The following RPH3A variants were observed in gnomAD, a reference collection of about 807,000 sequenced individuals.
RPH3A encodes the protein rabphilin 3A.
RPH3A carries 48 observed loss-of-function variants against 102.2 expected under a neutral mutation model. The ratio of observed to expected loss-of-function variants is 0.47; its 90% CI spans 0.37 to 0.60. RPH3A has a LOEUF of 0.60. Ranked by LOEUF, RPH3A falls within the 20% of genes least tolerant of loss-of-function variation. The pLI, the probability that RPH3A is intolerant of heterozygous loss-of-function variation, is 0.00. For synonymous variants in RPH3A, 310 were observed against 324.3 expected, an observed-to-expected ratio of 0.96 and a Z score of 0.47; for missense variants, 781 against 910.1, an observed-to-expected ratio of 0.86 and a Z score of 1.83.
chr12:112,773,721 G>T (rs73423083), intron 1 of RPH3A, among the ~76,000 whole-genome samples: 13,191 of 151,864 alleles, frequency 0.087, 1,538 homozygotes, highest in African/African-American at 0.26. Context: ...TGAGAGGTGG[G>T]GGTGGGAGCA....
chr12:112,720,609 G>T (rs915091827), intron 1 of RPH3A, among the ~76,000 whole-genome samples: 1 of 152,202 alleles, frequency 6.6e-6, no homozygotes, highest in Non-Finnish European at 1.5e-5. Flanking sequence ...TCATAAGTTT[G>T]CAGGTTGGCT....
intron 1 of RPH3A, among the ~76,000 whole-genome samples, chr12:112,659,049 A>G (rs758399738): frequency 6.6e-6 from 1 of 152,192 alleles, no homozygotes; most frequent in Admixed American, 6.5e-5. Flanking sequence ...AATTTACAGA[A>G]AAGTTGTGAG....
intron 19 of RPH3A, 125 bp downstream of exon 19, chr12:112,891,128 C>A: frequency 9.1e-7 from 1 of 1,100,982 alleles, no homozygotes; most frequent in Non-Finnish European, 1.3e-6. Context: ...GGAACCTGCC[C>A]AAGGTCACAG....
chr12:112,684,508 T>G (rs2040249283), intron 1 of RPH3A, among the ~76,000 whole-genome samples: 1 of 152,200 alleles, frequency 6.6e-6, no homozygotes, highest in African/African-American at 2.4e-5. Flanking sequence ...CCTCAAGTGA[T>G]CCACCTGTCT....
intron 14 of RPH3A, among the ~76,000 whole-genome samples, chr12:112,881,346 T>C (rs1050269793): frequency 1.3e-5 from 2 of 152,150 alleles, no homozygotes; most frequent in African/African-American, 4.8e-5. Context: ...GCATCCTCCT[T>C]CCCCCGACCT....
At chr12:112,672,382 A>G (rs546187217) in intron 1 of RPH3A, among the ~76,000 whole-genome samples, 31 of 152,354 alleles carry the variant, frequency 2.0e-4, no homozygotes, top group East Asian at 1.5e-3. Flanking sequence ...ATGGTTCCAC[A>G]GCAACATCTA....
At chr12:112,701,049 A>G (rs553642218) in intron 1 of RPH3A, among the ~76,000 whole-genome samples, 10 of 150,708 alleles carry the variant, frequency 6.6e-5, no homozygotes, top group African/African-American at 2.4e-4. Context: ...TCCCAGACCT[A>G]CTCCTCCTTC....
chr12:112,657,682 A>G (rs2040022504), intron 1 of RPH3A, among the ~76,000 whole-genome samples: 1 of 152,172 alleles, frequency 6.6e-6, no homozygotes, highest in Middle Eastern at 3.2e-3. Flanking sequence ...ATTATGTGGT[A>G]TGTGATTGTA....
intron 15 of RPH3A, among the ~76,000 whole-genome samples, chr12:112,882,464 G>T (rs1364164242): frequency 6.6e-6 from 1 of 152,176 alleles, no homozygotes; most frequent in African/African-American, 2.4e-5. Context: ...GGCAAAGGTG[G>T]CAGTACATCT....
chr12:112,664,934 C>T (rs1278487204), intron 1 of RPH3A, among the ~76,000 whole-genome samples: 2 of 148,516 alleles, frequency 1.3e-5, no homozygotes, highest in African/African-American at 2.5e-5. Flanking sequence ...AAGTCTCTCT[C>T]GTTCCATGGC....
At chr12:112,745,532 T>C (rs1327040577) in intron 1 of RPH3A, among the ~76,000 whole-genome samples, 1 of 152,206 alleles carries the variant, frequency 6.6e-6, no homozygotes, top group Non-Finnish European at 1.5e-5. Flanking sequence ...CACATTTATG[T>C]ATATTGACAT....
chr12:112,825,530 TC>T (rs1174471089), intron 2 of RPH3A, among the ~76,000 whole-genome samples: 6 of 151,064 alleles, frequency 4.0e-5, no homozygotes, highest in South Asian at 4.3e-4. Context: ...ACGTGGTCTC[TC>T]CCCCCCTTAC....
At chr12:112,755,158 C>A (rs376417311) in intron 1 of RPH3A, among the ~76,000 whole-genome samples, 1 of 152,142 alleles carries the variant, frequency 6.6e-6, no homozygotes, top group South Asian at 2.1e-4. Context: ...AAAAGGTATA[C>A]AGTGGAATGT....
At chr12:112,634,912 A>G (rs1270966579) in intron 1 of RPH3A, among the ~76,000 whole-genome samples, 1 of 152,078 alleles carries the variant, frequency 6.6e-6, no homozygotes. Flanking sequence ...TTTAACTAGA[A>G]TTTTACATCA....
chr12:112,830,385 G>T (rs1404967295), intron 3 of RPH3A, among the ~76,000 whole-genome samples: 1 of 151,946 alleles, frequency 6.6e-6, no homozygotes, highest in African/African-American at 2.4e-5. Flanking sequence ...TGGCATTTTG[G>T]TTGGAGAATA....
chr12:112,708,819 C>T, intron 1 of RPH3A, among the ~76,000 whole-genome samples: 1 of 152,134 alleles, frequency 6.6e-6, no homozygotes, highest in East Asian at 1.9e-4. Context: ...GCTGGGAAGT[C>T]CCACGGGCAA....
chr12:112,612,442 G>A (rs951923450), intron 1 of RPH3A, among the ~76,000 whole-genome samples: 8 of 151,848 alleles, frequency 5.3e-5, no homozygotes, highest in Middle Eastern at 3.2e-3. Context: ...CATTTGCTCC[G>A]TTAAACTTTT....
intron 1 of RPH3A, among the ~76,000 whole-genome samples, chr12:112,760,793 G>C (rs1187771332): frequency 6.6e-6 from 1 of 152,174 alleles, no homozygotes; most frequent in Admixed American, 6.5e-5. Flanking sequence ...CATTCTCTGC[G>C]CATGGCAGCC....
chr12:112,647,514 A>C (rs1400430645), intron 1 of RPH3A, among the ~76,000 whole-genome samples: 2 of 152,112 alleles, frequency 1.3e-5, no homozygotes, highest in African/African-American at 4.8e-5. Context: ...AATAGGCAAT[A>C]AATGAGTAAA....
Sources: allele counts gnomAD v4.1 joint callset (sites outside exome capture counted in the v4.1 genomes callset), GRCh38; gene constraint gnomAD v4.1.1; transcripts MANE v1.5; gene names NCBI Gene and HGNC (gene_info 2026-07-23, HGNC 2026-07-21).